The following NT5C3A variants were observed in gnomAD, a reference collection of about 807,000 sequenced individuals.
NT5C3A encodes cytosolic 5'-nucleotidase 3A.
Under a neutral mutation model 40.0 loss-of-function variants are expected in NT5C3A, and 23 were observed. That is an observed-to-expected ratio of 0.58 (90% confidence interval 0.41 to 0.81). NT5C3A has a LOEUF of 0.81. NT5C3A is among the 40% of genes least tolerant of loss of function. NT5C3A has a pLI of 0.00. For missense variants in NT5C3A, 328 were observed against 403.0 expected, an observed-to-expected ratio of 0.81 and a Z score of 1.59; for synonymous variants, 130 against 141.4, an observed-to-expected ratio of 0.92 and a Z score of 0.57.
chr7:33,023,114 G>A (rs1169603377), intron 3 of NT5C3A, among the ~76,000 whole-genome samples: 1 of 151,526 alleles, frequency 6.6e-6, no homozygotes, highest in East Asian at 1.9e-4. Context: ...GTCTTATTAT[G>A]TTGCTCAGGC....
chr7:33,053,384 C>T lies in NT5C3A; in HGVS notation c.138+9184G>A, dbSNP rs188063396. Among the ~76,000 whole-genome samples, 316 of 152,222 alleles carry T rather than the reference C, an allele frequency of 2.1e-3. 2 individuals carry two copies. Among genetic ancestry groups the T allele is most frequent in the African/African-American group, 7.1e-3 (297 of 41,554 alleles). Reference sequence around the variant, plus strand: ...TGTATTTTTAGTAGAGACAGGGTTTCACCATGTTGGCCAGGCTGCTCCAGA... The same window carrying T: ...TGTATTTTTAGTAGAGACAGGGTTTTACCATGTTGGCCAGGCTGCTCCAGA... On this transcript the variant is annotated intron_variant, in intron 1 of 8. Coordinates refer to ENST00000610140, the MANE Select transcript of NT5C3A (RefSeq NM_001002010.5).
intron 2 of NT5C3A, 127 bp from the exon 3 acceptor site, chr7:33,024,235 C>T: frequency 1.5e-6 from 1 of 688,936 alleles, no homozygotes; most frequent in Admixed American, 2.1e-5. Flanking sequence ...CTCTGGTCCA[C>T]ACTGTTAACT....
Position 33,022,101 on chromosome 7 carries a change from TA to T in NT5C3A, c.308-3del. On this transcript the variant is annotated splice_region_variant and splice_polypyrimidine_tract_variant and intron_variant, in intron 3 of 8. Transcript: ENST00000610140. ...CCAGCTTACAGTTGTCAATGATATC[TA>T]AAGATAGAAAGCAAAATAAGCATTA... 6.8e-7 allele frequency: 1 copy of T among 1,465,792 alleles called. No individual in the cohort carries two copies. The highest frequency in any genetic ancestry group is 9.6e-7 in the Non-Finnish European group (1 of 1,046,738). The allele number at this position is 1,465,792 out of a possible 1,614,324, so 90.8% of individuals were successfully genotyped here.
rs553540740 is a variant in NT5C3A at position 33,026,330 on chromosome 7, C to T, written c.237+487G>A. ...CGCCACTGCACTCCAGGCTGGGCAACAGAGCGAGACTCCATCTCAAAAGAA... is the reference window on the plus strand; with the variant it reads ...CGCCACTGCACTCCAGGCTGGGCAATAGAGCGAGACTCCATCTCAAAAGAA... On this transcript the variant is annotated intron_variant, in intron 2 of 8. Transcript: ENST00000610140. 5.5e-4 allele frequency among the ~76,000 whole-genome samples: 65 copies of T among 117,740 alleles called. No homozygotes were observed. The East Asian group carries it at 0.015, about 27-fold the overall frequency. The allele number at this position is 117,740 out of a possible 152,430, so 77.2% of individuals were successfully genotyped here.
At chr7:33,022,435 CACAT>C (rs1254111148) in intron 3 of NT5C3A, among the ~76,000 whole-genome samples, 4 of 13,370 alleles carry the variant, frequency 3.0e-4, no homozygotes, top group African/African-American at 1.3e-3. Context: ...ATATAAGAAA[CACAT>C]ATGGGAAATA....
rs560091950 is a variant in NT5C3A at position 33,062,749 on chromosome 7, G to A, written c.-44C>T. On this transcript the variant is annotated 5_prime_UTR_variant, in exon 1 of 9. Transcript: ENST00000610140. ...CGTCCAAGCAGGAAAAAAACAGGCA[G>A]CTCGCGTAGACTGCGAGTCTCGGAA... is the stretch of plus-strand genomic sequence containing the variant. The A allele has an allele frequency of 2.6e-6, 4 of 1,549,284 alleles. No homozygotes were observed. In the African/African-American group the frequency reaches 4.1e-5, roughly 16 times the overall value.
Position 33,045,585 on chromosome 7 carries a change from G to A in NT5C3A, c.138+16983C>T, listed in dbSNP as rs370658376. 3.1e-3 allele frequency among the ~76,000 whole-genome samples: 464 copies of A among 151,464 alleles called. 2 individuals are homozygous for A. The highest frequency in any genetic ancestry group is 0.011 in the African/African-American group (454 of 41,272). On this transcript the variant is annotated intron_variant, in intron 1 of 8. Transcript: ENST00000610140. ...AGCGATTCTTCTGCCTCAGCCTCCC[G>A]AGTAGCTGGGACTACAGGCGTGCGC...
At chr7:33,040,817 G>A (rs1786876881) in intron 1 of NT5C3A, 3 of 855,172 alleles carry the variant, frequency 3.5e-6, no homozygotes, top group Non-Finnish European at 4.2e-6. Flanking sequence ...AATCAAATAA[G>A]AATCACATAA....
At chr7:33,026,759 G>T in intron 2 of NT5C3A, 58 bp downstream of exon 2, 3 of 1,186,368 alleles carry the variant, frequency 2.5e-6, no homozygotes, top group South Asian at 1.2e-5. Context: ...CTCCCAAAGT[G>T]CTGGAATTAC....
chr7:33,044,622 A>C (rs1787072258), intron 1 of NT5C3A, among the ~76,000 whole-genome samples: 1 of 152,194 alleles, frequency 6.6e-6, no homozygotes, highest in African/African-American at 2.4e-5. Flanking sequence ...AGAATTCACA[A>C]ATGGAAGATT....
intron 1 of NT5C3A, among the ~76,000 whole-genome samples, chr7:33,059,565 A>T (rs1055059822): frequency 6.6e-6 from 1 of 152,220 alleles, no homozygotes; most frequent in African/African-American, 2.4e-5. Context: ...GAAAGAAAGC[A>T]ATTATGTTCT....
intron 1 of NT5C3A, among the ~76,000 whole-genome samples, chr7:33,030,399 A>G (rs1415561350): frequency 6.6e-6 from 1 of 152,210 alleles, no homozygotes; most frequent in East Asian, 1.9e-4. Context: ...GTTTGGTGGC[A>G]TATAAATAAT....
chr7:33,056,592 A>T (rs1226785166), intron 1 of NT5C3A, among the ~76,000 whole-genome samples: 1 of 148,266 alleles, frequency 6.7e-6, no homozygotes, highest in African/African-American at 2.5e-5. Context: ...GGACTGCTTG[A>T]GCCCACGAGT....
At chr7:33,057,966 CTACTT>C (rs1000913787) in intron 1 of NT5C3A, among the ~76,000 whole-genome samples, 2 of 152,152 alleles carry the variant, frequency 1.3e-5, no homozygotes, top group African/African-American at 4.8e-5. Context: ...GATAAATACT[CTACTT>C]TAGAGAATTT....
At chr7:33,024,757 T>G (rs1384104200) in intron 2 of NT5C3A, among the ~76,000 whole-genome samples, 1 of 152,226 alleles carries the variant, frequency 6.6e-6, no homozygotes, top group East Asian at 1.9e-4. Flanking sequence ...CTAATTACCC[T>G]GATTTGATTA....
At chr7:33,050,899 A>G (rs372690830) in intron 1 of NT5C3A, among the ~76,000 whole-genome samples, 2 of 152,336 alleles carry the variant, frequency 1.3e-5, no homozygotes, top group East Asian at 3.9e-4. Flanking sequence ...AGTGTGTCAC[A>G]ATGGCCAGAG....
intron 1 of NT5C3A, among the ~76,000 whole-genome samples, chr7:33,032,844 C>G (rs1786358674): frequency 6.6e-6 from 1 of 152,178 alleles, no homozygotes; most frequent in African/African-American, 2.4e-5. Flanking sequence ...GACTTGACCT[C>G]CTGGGCTCAA....
At chr7:33,052,016 C>G (rs1241055014) in intron 1 of NT5C3A, among the ~76,000 whole-genome samples, 1 of 152,190 alleles carries the variant, frequency 6.6e-6, no homozygotes, top group Admixed American at 6.5e-5. Flanking sequence ...CTCATCCTCC[C>G]AAGTCCACTG....
intron 1 of NT5C3A, among the ~76,000 whole-genome samples, chr7:33,030,057 G>C (rs1193987251): frequency 6.6e-6 from 1 of 152,030 alleles, no homozygotes; most frequent in East Asian, 1.9e-4. Context: ...TATCTGTCTT[G>C]GGTTATATAG....
Sources: allele counts gnomAD v4.1 joint callset (sites outside exome capture counted in the v4.1 genomes callset), GRCh38; gene constraint gnomAD v4.1.1; transcripts MANE v1.5; gene names NCBI Gene and HGNC (gene_info 2026-07-23, HGNC 2026-07-21).